UBN2: variants seen among roughly 807,000 people sequenced by gnomAD.
UBN2 encodes ubinuclein 2.
UBN2 carries 35 observed loss-of-function variants against 120.2 expected under a neutral mutation model. The ratio of observed to expected loss-of-function variants is 0.29; its 90% CI spans 0.22 to 0.39. The LOEUF is 0.39. Among genes scored for constraint, UBN2 ranks in the 10% least tolerant of loss-of-function variants. The pLI is 1.00. For synonymous variants in UBN2, 661 were observed against 648.7 expected, an observed-to-expected ratio of 1.02 and a Z score of -0.29; for missense variants, 1,693 against 1,663.2, an observed-to-expected ratio of 1.02 and a Z score of -0.31.
At chr7:139,296,758 G>T (rs148555711) in intron 17 of UBN2, among the ~76,000 whole-genome samples, 1 of 152,092 alleles carries the variant, frequency 6.6e-6, no homozygotes, top group Admixed American at 6.5e-5. Context: ...TGGTGTGGTG[G>T]CACACACCTG....
At chr7:139,273,222 C>T in intron 9 of UBN2, 75 bp from the exon 10 acceptor site, 1 of 874,252 alleles carries the variant, frequency 1.1e-6, no homozygotes, top group Non-Finnish European at 1.7e-6. Context: ...AGCAATTCAG[C>T]AAGTATTTAT....
intron 3 of UBN2, among the ~76,000 whole-genome samples, chr7:139,256,043 A>G (rs915593746): frequency 5.7e-4 from 87 of 152,216 alleles, no homozygotes; most frequent in African/African-American, 2.1e-3. Context: ...CAAAGAATCT[A>G]AATCCAGGCC....
chr7:139,242,024 C>T lies in UBN2; in HGVS notation c.561+4927C>T, dbSNP rs376182109. On this transcript the variant is annotated intron_variant, in intron 2 of 17. Coordinates refer to ENST00000473989, the MANE Select transcript of UBN2 (RefSeq NM_173569.4). Reference sequence around the variant, plus strand: ...CCCCCCCAAAAAAAGTCTTGATTTTCTTTTGTATAACTTGTAAAAGTGAGT... The same window carrying T: ...CCCCCCCAAAAAAAGTCTTGATTTTTTTTTGTATAACTTGTAAAAGTGAGT... Among the ~76,000 whole-genome samples the T allele has an allele frequency of 2.0e-5, 3 of 152,030 alleles. No individual in the cohort carries two copies. The South Asian group carries it at 6.3e-4, about 32-fold the overall frequency.
intron 1 of UBN2, among the ~76,000 whole-genome samples, chr7:139,236,464 T>C (rs1796165304): frequency 1.3e-5 from 2 of 152,246 alleles, no homozygotes; most frequent in South Asian, 4.1e-4. Flanking sequence ...GTGTTGCTTT[T>C]AATTAATAAT....
intron 3 of UBN2, among the ~76,000 whole-genome samples, chr7:139,256,539 C>T (rs1347521074): frequency 6.6e-6 from 1 of 152,154 alleles, no homozygotes; most frequent in Non-Finnish European, 1.5e-5. Flanking sequence ...TTTCTTACCT[C>T]ACAAGGGTAT....
At chr7:139,288,785 C>G (rs534849683) in intron 15 of UBN2, among the ~76,000 whole-genome samples, 1 of 151,882 alleles carries the variant, frequency 6.6e-6, no homozygotes, top group Non-Finnish European at 1.5e-5. Flanking sequence ...GAGCGGATCA[C>G]GAGGTCAGGA....
In UBN2 at chr7:139,283,952, A is replaced by T. The variant is rs775865083; in HGVS notation, c.3047A>T (p.Lys1016Met). Residue 1016 changes from lysine (K) to methionine (M), a missense_variant, in exon 15 of 18, where the codon AAG becomes ATG. Lys to Met is a moderately conservative substitution (Grantham distance 95). Around this residue, in one of 5 missense-constraint regions of UBN2, gnomAD observed 837 missense variants for 817.6 expected, o/e 1.02. Coordinates refer to ENST00000473989, the MANE Select transcript of UBN2 (RefSeq NM_173569.4). ...ACTACCTCCAGTAACTATTTAGCCA[A>T]GGCTATGGTGTCACAGATCTCCACG... ...STTTSSNYLA[K>M]AMVSQISTQG... 6.2e-7 allele frequency: 1 copy of T among 1,613,960 alleles called. No individual in the cohort carries two copies. Among genetic ancestry groups the T allele is most frequent in the Non-Finnish European group, 8.5e-7 (1 of 1,179,992 alleles).
chr7:139,283,173 A>G lies in UBN2; in HGVS notation c.2268A>G (p.Leu756=). ...AAACCATCTGCCTCGACGACTCACTAGATGAAGACCTTTCTTTCCATTCAC... is the reference window on the plus strand; with the variant it reads ...AAACCATCTGCCTCGACGACTCACTGGATGAAGACCTTTCTTTCCATTCAC... ...AQETICLDDS[L]DEDLSFHSPS... is the part of the protein sequence containing the mutation. The change falls in exon 15 of 18, where the codon CTA becomes CTG. Residue 756 remains leucine, a synonymous_variant. Transcript: ENST00000473989. The G allele has an allele frequency of 6.2e-7, 1 of 1,612,260 alleles. No homozygotes were observed. The highest frequency in any genetic ancestry group is 8.5e-7 in the Non-Finnish European group (1 of 1,179,772).
chr7:139,291,880 T>A (rs1189306735), intron 15 of UBN2, among the ~76,000 whole-genome samples: 6 of 152,016 alleles, frequency 3.9e-5, no homozygotes, highest in Middle Eastern at 3.2e-3. Flanking sequence ...AAATTTTTTT[T>A]AAATAAAAAA....
rs1797431986 is a variant in UBN2 at position 139,276,009 on chromosome 7, T to A, written c.1974-88T>A. ...TGGTAAATAAGCAGTAATAGTCTAC[T>A]GAAAATTAAATTACTTTAAAAAATA... On this transcript the variant is annotated intron_variant, in intron 11 of 17. Transcript: ENST00000473989. The A allele has an allele frequency of 2.8e-6, 3 of 1,064,228 alleles. No individual in the cohort carries two copies. In the Admixed American group the frequency reaches 6.6e-5, roughly 23 times the overall value. 65.9% of individuals were successfully genotyped at this position (1,064,228 alleles called of 1,614,324 possible). A position where few individuals can be genotyped will look rare whatever the true frequency, so the allele number is the denominator to read the frequency against.
At chr7:139,321,653 T>C in the UBN2 span, among the ~76,000 whole-genome samples, 11 of 146,104 alleles carry the variant, frequency 7.5e-5, no homozygotes, top group Non-Finnish European at 1.4e-4. Context: ...GGAGAAGGTG[T>C]AGCCTCTGGG....
chr7:139,267,881 A>G (rs1241020282), intron 7 of UBN2, among the ~76,000 whole-genome samples: 1 of 151,806 alleles, frequency 6.6e-6, no homozygotes, highest in African/African-American at 2.4e-5. Context: ...TATCTACACC[A>G]CCTCCTTTTA....
Position 139,269,522 on chromosome 7 carries a change from A to G in UBN2, c.1595A>G (p.Gln532Arg). Reference sequence around the variant, plus strand: ...CTGAAGAAGTTACATCTCAATGTCCAGGTAAGAGGAAGAACAATAATATCT... The same window carrying G: ...CTGAAGAAGTTACATCTCAATGTCCGGGTAAGAGGAAGAACAATAATATCT... ...KRLKKLHLNV[Q>R]DDRLREPLQK... The change falls in exon 8 of 18, where the codon CAG becomes CGG. Residue 532 changes from glutamine to arginine, a missense_variant and splice_region_variant. By Grantham distance (43) the Gln-to-Arg change is conservative. Around this residue, in one of 5 missense-constraint regions of UBN2, gnomAD observed 178 missense variants for 204.0 expected, o/e 0.87. Coordinates refer to ENST00000473989, the MANE Select transcript of UBN2 (RefSeq NM_173569.4). 1 of 1,613,698 alleles carries G rather than the reference A, an allele frequency of 6.2e-7. No individual in the cohort carries two copies.
chr7:139,251,789 T>C (rs936703244), intron 2 of UBN2, among the ~76,000 whole-genome samples, 167 bp from the exon 3 acceptor site: 1 of 152,214 alleles, frequency 6.6e-6, no homozygotes, highest in African/African-American at 2.4e-5. Context: ...TTATACTCTT[T>C]GGAACAAGTC....
intron 15 of UBN2, among the ~76,000 whole-genome samples, chr7:139,286,235 T>C (rs1216783062): frequency 6.6e-6 from 1 of 152,168 alleles, no homozygotes; most frequent in Non-Finnish European, 1.5e-5. Flanking sequence ...GCCTAATTTT[T>C]ATATTTTTAG....
At chr7:139,245,837 A>G (rs1197357650) in intron 2 of UBN2, among the ~76,000 whole-genome samples, 1 of 152,220 alleles carries the variant, frequency 6.6e-6, no homozygotes, top group Non-Finnish European at 1.5e-5. Flanking sequence ...AACAGTAAGA[A>G]GGTGTGTTTG....
At chr7:139,259,100 G>A (rs1390774613) in intron 4 of UBN2, among the ~76,000 whole-genome samples, 167 bp from the exon 5 acceptor site, 2 of 152,156 alleles carry the variant, frequency 1.3e-5, no homozygotes, top group African/African-American at 4.8e-5. Flanking sequence ...TAACTGAATC[G>A]AAACCGGAGG....
At chr7:139,309,709 TA>T (rs1274813571), downstream of UBN2, among the ~76,000 whole-genome samples, 1 of 152,122 alleles carries the variant, frequency 6.6e-6, no homozygotes, top group Non-Finnish European at 1.5e-5. Context: ...CGTCTTCTAC[TA>T]AAAATACAAA....
At chr7:139,296,099 A>G (rs1334712304) in intron 17 of UBN2, among the ~76,000 whole-genome samples, 2 of 152,232 alleles carry the variant, frequency 1.3e-5, no homozygotes, top group East Asian at 3.8e-4. Context: ...TAATGACTTC[A>G]TATGAGAATC....
Sources: gnomAD v4.1 joint callset for allele counts (sites outside exome capture counted in the v4.1 genomes callset) on GRCh38, gnomAD v4.1.1 for gene constraint, gnomAD v4.1.1 regional missense constraint, MANE v1.5 for transcripts, NCBI Gene and HGNC (gene_info 2026-07-23, HGNC 2026-07-21) for gene names.